Variants in SLC45A2 observed in about 807,000 individuals in gnomAD.
SLC45A2 encodes membrane-associated transporter protein.
Under a neutral mutation model 45.5 loss-of-function variants are expected in SLC45A2, and 36 were observed. The ratio of observed to expected loss-of-function variants is 0.79; its 90% CI spans 0.61 to 1.04. SLC45A2 has a LOEUF of 1.04. Among genes scored for constraint, SLC45A2 ranks in the 50% least tolerant of loss-of-function variants. SLC45A2 has a pLI of 0.00. For synonymous variants in SLC45A2, 306 were observed against 269.3 expected (o/e 1.14, Z -1.33); for missense variants, 719 against 671.0 (o/e 1.07, Z -0.79).
chr5:33,947,720 G>A (rs572818679), intron 5 of SLC45A2, among the ~76,000 whole-genome samples: 2 of 152,196 alleles, frequency 1.3e-5, no homozygotes. Flanking sequence ...AAAAGTGTGG[G>A]TTATTCTAAA....
chr5:33,948,959 GAT>G (rs1018261192), intron 5 of SLC45A2, among the ~76,000 whole-genome samples: 1 of 152,232 alleles, frequency 6.6e-6, no homozygotes, highest in Non-Finnish European at 1.5e-5. Context: ...ATTGCCCTCT[GAT>G]GGGTCTGATA....
intron 5 of SLC45A2, among the ~76,000 whole-genome samples, chr5:33,949,362 T>A (rs1357286505): frequency 6.6e-6 from 1 of 152,224 alleles, no homozygotes; most frequent in Non-Finnish European, 1.5e-5. Flanking sequence ...ATGATTTCAC[T>A]GAGGAAGTAA....
intron 5 of SLC45A2, chr5:33,951,283 A>G: frequency 1.2e-6 from 1 of 836,556 alleles, no homozygotes; most frequent in Non-Finnish European, 1.7e-6. Context: ...TTCATCTTGT[A>G]AAGATTCCCT....
At position 33,946,038 on chromosome 5, in the gene SLC45A2, A is replaced by G. The variant is rs35406; in HGVS notation, c.1368+1125T>C. ...TCTCACCTAAAAATGAACTCATTCT[A>G]AGTGCTAACTAATAAACAAGTAAAT... On this transcript the variant is annotated intron_variant, in intron 6 of 6. Coordinates refer to ENST00000296589, the MANE Select transcript of SLC45A2 (RefSeq NM_016180.5). 0.027 allele frequency: 26,857 copies of G among 985,366 alleles called. 2,107 individuals carry two copies. In the East Asian group the frequency reaches 0.43, roughly 16 times the overall value. The allele number at this position is 985,366 out of a possible 1,614,324, so 61.0% of individuals were successfully genotyped here. A position where few individuals can be genotyped will look rare whatever the true frequency, so the allele number is the denominator to read the frequency against.
chr5:33,952,202 C>A (rs556248614), intron 4 of SLC45A2, among the ~76,000 whole-genome samples: 3 of 152,130 alleles, frequency 2.0e-5, no homozygotes, highest in Admixed American at 2.0e-4. Context: ...TCATAGGTCA[C>A]CGCATCCTTG....
intron 2 of SLC45A2, among the ~76,000 whole-genome samples, chr5:33,966,279 G>A (rs981161318): frequency 1.3e-5 from 2 of 152,088 alleles, no homozygotes; most frequent in African/African-American, 4.8e-5. Context: ...GTTTACTTTA[G>A]TTCAATAAAC....
In SLC45A2 at chr5:33,984,652, A is replaced by T. The variant is rs569083538; in HGVS notation, c.-69T>A. ...CGTGGTCCTAGGGTCTGTGTTTCAA[A>T]CTGGATTTGACGTGGAGCCTGGCCG... On this transcript the variant is annotated 5_prime_UTR_variant, in exon 1 of 7. Transcript: ENST00000296589. 17 of 1,595,246 alleles carry T rather than the reference A, an allele frequency of 1.1e-5. No homozygotes were observed. In the East Asian group the frequency reaches 2.2e-4, roughly 21 times the overall value.
intron 2 of SLC45A2, among the ~76,000 whole-genome samples, chr5:33,976,617 T>TC (rs1752936892): frequency 6.6e-6 from 1 of 151,994 alleles, no homozygotes; most frequent in Non-Finnish European, 1.5e-5. Context: ...GAGATTTTTT[T>TC]CCCCTCCCTG....
At position 33,951,690 on chromosome 5, in the gene SLC45A2, T is replaced by C; in HGVS notation, c.1033-13A>G. On this transcript the variant is annotated splice_polypyrimidine_tract_variant and intron_variant, in intron 4 of 6. Coordinates refer to ENST00000296589, the MANE Select transcript of SLC45A2 (RefSeq NM_016180.5). The stretch of plus-strand genomic sequence containing the variant: ...CGCGGTACACAATCTGAAAGAGAGA[T>C]TGGAGGCTGTTGAGGTACAAATGCA... 1 of 1,614,138 alleles carries C rather than the reference T, an allele frequency of 6.2e-7. No individual in the cohort carries two copies.
At chr5:33,945,824 G>A (rs920750045) in intron 6 of SLC45A2, 4 of 475,050 alleles carry the variant, frequency 8.4e-6, no homozygotes, top group African/African-American at 4.2e-5. Flanking sequence ...GCTGAAAAAC[G>A]CATATTATCC....
intron 2 of SLC45A2, among the ~76,000 whole-genome samples, chr5:33,980,178 T>C (rs1024241833): frequency 1.3e-5 from 2 of 152,128 alleles, no homozygotes; most frequent in African/African-American, 4.8e-5. Flanking sequence ...TTTCCGGCTA[T>C]GGACTATGGG....
At chr5:33,950,906 C>A (rs1561356369) in intron 5 of SLC45A2, among the ~76,000 whole-genome samples, 1 of 152,220 alleles carries the variant, frequency 6.6e-6, no homozygotes, top group Admixed American at 6.5e-5. Context: ...GTCGCAAGTA[C>A]AATGCAGCCT....
chr5:33,970,613 C>T (rs3776555), intron 2 of SLC45A2, among the ~76,000 whole-genome samples: 12,228 of 152,258 alleles, frequency 0.08, 812 homozygotes, highest in East Asian at 0.18. Context: ...CCTAGTCTAC[C>T]ACTAACCAGC....
chr5:33,983,369 T>C (rs1326083410), intron 1 of SLC45A2, among the ~76,000 whole-genome samples: 2 of 152,196 alleles, frequency 1.3e-5, no homozygotes, highest in Admixed American at 6.5e-5. Flanking sequence ...GAACAATAAG[T>C]CTACCCGCCA....
intron 2 of SLC45A2, among the ~76,000 whole-genome samples, chr5:33,970,566 TGTTG>T (rs3836801): frequency 0.014 from 2,182 of 150,814 alleles, 56 homozygotes; most frequent in African/African-American, 0.048. Flanking sequence ...CTGACTGGCT[TGTTG>T]GTTGGTTGGT....
intron 2 of SLC45A2, among the ~76,000 whole-genome samples, chr5:33,970,484 C>G (rs1561368277): frequency 6.6e-6 from 1 of 152,208 alleles, no homozygotes; most frequent in Non-Finnish European, 1.5e-5. Flanking sequence ...TATCTGTATA[C>G]AAACCTCTGG....
At position 33,947,284 on chromosome 5, in the gene SLC45A2, C is replaced by T. The variant is rs773980173; in HGVS notation, c.1247G>A (p.Gly416Glu). 1.2e-5 allele frequency: 20 copies of T among 1,613,998 alleles called. No individual in the cohort carries two copies. The highest frequency in any genetic ancestry group is 1.4e-5 in the Non-Finnish European group (16 of 1,180,038). The stretch of plus-strand genomic sequence containing the variant: ...GGTGGAGTAGACATTCGGGAAGAGC[C>T]CAATAAATCCCGTCCCCAGGCCAAA... The part of the protein sequence containing the change: ...LLFGLGTGFI[G>E]LFPNVYSTLV... The change falls in exon 6 of 7, where the codon GGG (glycine) becomes GAG (glutamate). Residue 416 changes from glycine (G) to glutamate (E), a missense_variant. By Grantham distance (98) the Gly-to-Glu change is moderately conservative. Transcript: ENST00000296589.
chr5:33,964,103 A>ACGC (rs1752532171), intron 2 of SLC45A2, 87 bp from the exon 3 acceptor site: 6 of 1,403,272 alleles, frequency 4.3e-6, no homozygotes, highest in Non-Finnish European at 3.0e-6. Context: ...CAGTGGGAAA[A>ACGC]CTCCCTGAAG....
intron 2 of SLC45A2, among the ~76,000 whole-genome samples, chr5:33,979,548 A>T (rs1445083844): frequency 6.6e-6 from 1 of 152,248 alleles, no homozygotes; most frequent in East Asian, 1.9e-4. Flanking sequence ...GATTTTCCCC[A>T]TAAGAGACAG....
Sources: gnomAD v4.1 joint callset for allele counts (sites outside exome capture counted in the v4.1 genomes callset) on GRCh38, gnomAD v4.1.1 for gene constraint, MANE v1.5 for transcripts, NCBI Gene and HGNC (gene_info 2026-07-23, HGNC 2026-07-21) for gene names.